AGAP1: variants seen among roughly 807,000 people sequenced by gnomAD.
AGAP1 encodes arf-GAP with GTPase, ANK repeat and PH domain-containing protein 1.
In AGAP1, 29 loss-of-function variants were observed where a neutral mutation model predicts 105.3. The ratio of observed to expected loss-of-function variants is 0.28; its 90% confidence interval spans 0.21 to 0.38. AGAP1 has a LOEUF of 0.38. Among genes scored for constraint, AGAP1 ranks in the 10% least tolerant of loss-of-function variants. AGAP1 has a pLI of 1.00. For synonymous variants in AGAP1, 509 were observed against 485.9 expected, an observed-to-expected ratio of 1.05 and a Z score of -0.63; for missense variants, 998 against 1,165.1, an observed-to-expected ratio of 0.86 and a Z score of 2.09.
chr2:235,545,099 T>C (rs1943580415), intron 1 of AGAP1, among the ~76,000 whole-genome samples: 1 of 152,204 alleles, frequency 6.6e-6, no homozygotes, highest in Non-Finnish European at 1.5e-5. Context: ...GTTTAGATCA[T>C]GGTCTGTTAG....
At chr2:236,034,568 C>T (rs987926916) in intron 13 of AGAP1, among the ~76,000 whole-genome samples, 3 of 152,130 alleles carry the variant, frequency 2.0e-5, no homozygotes, top group South Asian at 4.1e-4. Context: ...CTCCAGAAAT[C>T]GGGAACCAGG....
rs2048633860 is a variant in AGAP1 at position 235,855,141 on chromosome 2, T to A, written c.1051-28204T>A. On this transcript the variant is annotated intron_variant, in intron 9 of 17. Coordinates refer to ENST00000304032, the MANE Select transcript of AGAP1 (RefSeq NM_001037131.3). The surrounding 1 kb of genome is among the most constrained non-coding windows in gnomAD (Gnocchi z 5.0). ...AAAAAAAGCTGAAGGTATTTGTCTG[T>A]GATGTTCAACAAACCAGCCTCATCA... 6.6e-6 allele frequency among the ~76,000 whole-genome samples: 1 copy of A among 152,240 alleles called. No individual in the cohort carries two copies. Among genetic ancestry groups the A allele is most frequent in the African/African-American group, 2.4e-5 (1 of 41,466 alleles).
intron 1 of AGAP1, among the ~76,000 whole-genome samples, chr2:235,558,088 G>A (rs902556141): frequency 1.3e-5 from 2 of 152,208 alleles, no homozygotes; most frequent in African/African-American, 4.8e-5. Context: ...GGGATGGCGA[G>A]TAGGAGGCTG....
intron 1 of AGAP1, among the ~76,000 whole-genome samples, chr2:235,668,322 C>T (rs1320478960): frequency 2.6e-5 from 4 of 152,162 alleles, no homozygotes; most frequent in African/African-American, 4.8e-5. Flanking sequence ...AGAGCTTGCC[C>T]AATTCAGTTT....
In AGAP1 at chr2:235,799,512, A is replaced by G. The variant is rs1957394199; in HGVS notation, c.947A>G (p.Asn316Ser). ...CGCAAGCAGTCTAAGCGCCGGTCCA[A>G]CCTGTTCACCGTGAGTGTCAACCCT... ...PVRKQSKRRS[N>S]LFTSRKGSDP... The change falls in exon 8 of 18, where the codon AAC becomes AGC. Residue 316 changes from asparagine to serine, a missense_variant. This residue lies in a region of AGAP1 where 735 missense variants were observed against 833.4 expected (regional missense o/e 0.88). Coordinates refer to ENST00000304032, the MANE Select transcript of AGAP1 (RefSeq NM_001037131.3). This position sits in a 1 kb window ranked among gnomAD's most constrained non-coding sequence, Gnocchi z 5.0. 3 of 1,614,100 alleles carry G rather than the reference A, an allele frequency of 1.9e-6. No individual in the cohort carries two copies. Among genetic ancestry groups the G allele is most frequent in the Non-Finnish European group, 2.5e-6 (3 of 1,179,996 alleles).
In AGAP1 at chr2:235,573,042, CTT is replaced by C. The variant is rs1432511792; in HGVS notation, c.163+78194_163+78195del. On this transcript the variant is annotated intron_variant, in intron 1 of 17. Transcript: ENST00000304032. ...TCTTCTTCTTCTTCTTCTTCTTCTT[CTT>C]CTTCTTCTTCTTCTTCTTTCTTCTT... 6.4e-4 allele frequency among the ~76,000 whole-genome samples: 14 copies of C among 21,852 alleles called. 1 individual carries two copies. The South Asian group carries it at 0.02, about 31-fold the overall frequency. 14.3% of individuals were successfully genotyped at this position (21,852 alleles called of 152,430 possible).
rs144865581 is a variant in AGAP1, at chr2:235,849,350, A to T, written c.1051-33995A>T. Among the ~76,000 whole-genome samples, 478 of 152,334 alleles carry T rather than the reference A, an allele frequency of 3.1e-3. 5 individuals are homozygous for T. The highest frequency in any genetic ancestry group is 0.018 in the East Asian group (92 of 5,188). On this transcript the variant is annotated intron_variant, in intron 9 of 17. Coordinates refer to ENST00000304032, the MANE Select transcript of AGAP1 (RefSeq NM_001037131.3). ...GCCAATTATGAGTACACATATTACT[A>T]TAATTAACTGGTTTTTTTGTGAATG... is the stretch of plus-strand genomic sequence containing the variant.
intron 1 of AGAP1, among the ~76,000 whole-genome samples, chr2:235,594,885 T>G (rs1945470285): frequency 3.1e-5 from 3 of 95,480 alleles, no homozygotes; most frequent in South Asian, 2.9e-4. Context: ...AGATTGCTGT[T>G]TTTTTTTTTT....
At chr2:236,116,568 C>T (rs2059776315) in intron 16 of AGAP1, among the ~76,000 whole-genome samples, 2 of 151,976 alleles carry the variant, frequency 1.3e-5, no homozygotes, top group Non-Finnish European at 2.9e-5. Context: ...AGGCTGGTCT[C>T]AAACTCCTGA....
chr2:235,966,281 T>C (rs1446824943), intron 12 of AGAP1, among the ~76,000 whole-genome samples: 5 of 125,230 alleles, frequency 4.0e-5, no homozygotes, highest in African/African-American at 9.1e-5. Flanking sequence ...GAGGGGGGCC[T>C]GTTCCTCTGG....
chr2:235,603,482 T>G (rs1945808589), intron 1 of AGAP1, among the ~76,000 whole-genome samples: 1 of 152,210 alleles, frequency 6.6e-6, no homozygotes, highest in South Asian at 2.1e-4. Flanking sequence ...AATGGGTGCT[T>G]CGCAGTGCTC....
At chr2:235,813,953 C>T (rs556880651) in intron 9 of AGAP1, among the ~76,000 whole-genome samples, 63 of 152,278 alleles carry the variant, frequency 4.1e-4, no homozygotes, top group African/African-American at 1.5e-3. Context: ...CTCCTCCTAC[C>T]GCCCCCGGGT....
chr2:235,959,076 C>T lies in AGAP1; in HGVS notation c.1484-9386C>T, dbSNP rs73130473. ...GGGACCCCAGTCCCTCCGTCAGAGC[C>T]GGTTTAGATGTGGAGTAATGAGGCG... On this transcript the variant is annotated intron_variant, in intron 12 of 17. Transcript: ENST00000304032. This position sits in a 1 kb window ranked among gnomAD's most constrained non-coding sequence, Gnocchi z 7.3. Among the ~76,000 whole-genome samples, 1,371 of 152,274 alleles carry T rather than the reference C, an allele frequency of 9.0e-3. 22 individuals carry two copies. Among genetic ancestry groups the T allele is most frequent in the African/African-American group, 0.031 (1,300 of 41,568 alleles).
chr2:235,993,688 CT>C lies in AGAP1; in HGVS notation c.1645+25066del, dbSNP rs1280166321. ...GCTGCCCAATACCAAATTAAGGGCT[CT>C]GAGGAACGCTTCCTTTGAAAATACC... On this transcript the variant is annotated intron_variant, in intron 13 of 17. Coordinates refer to ENST00000304032, the MANE Select transcript of AGAP1 (RefSeq NM_001037131.3). The surrounding 1 kb of genome is among the most constrained non-coding windows in gnomAD (Gnocchi z 5.0). 6.6e-6 allele frequency among the ~76,000 whole-genome samples: 1 copy of C among 152,152 alleles called. No homozygotes were observed. Among genetic ancestry groups the C allele is most frequent in the African/African-American group, 2.4e-5 (1 of 41,422 alleles).
Position 236,083,760 on chromosome 2 carries a change from A to G in AGAP1, c.2114+34479A>G, listed in dbSNP as rs146392109. Among the ~76,000 whole-genome samples the G allele has an allele frequency of 1.6e-3, 246 of 152,326 alleles. 2 individuals carry two copies. Among genetic ancestry groups the G allele is most frequent in the African/African-American group, 5.7e-3 (239 of 41,570 alleles). ...AGTCTGTTTTTTTACAGAAGGATAAATGGATGAACAGGTGTTTTAGGAGCC... is the reference window on the plus strand; with the variant it reads ...AGTCTGTTTTTTTACAGAAGGATAAGTGGATGAACAGGTGTTTTAGGAGCC... On this transcript the variant is annotated intron_variant, in intron 16 of 17. Transcript: ENST00000304032. The surrounding 1 kb of genome is among the most constrained non-coding windows in gnomAD (Gnocchi z 5.3).
chr2:236,022,007 C>T (rs562606102), intron 13 of AGAP1, among the ~76,000 whole-genome samples: 8 of 143,014 alleles, frequency 5.6e-5, no homozygotes, highest in South Asian at 2.2e-4. Flanking sequence ...TGCAGTGAGC[C>T]GAGATGAAGC....
At chr2:235,985,101 C>G (rs2055258815) in intron 13 of AGAP1, among the ~76,000 whole-genome samples, 1 of 152,196 alleles carries the variant, frequency 6.6e-6, no homozygotes, top group African/African-American at 2.4e-5. Flanking sequence ...TCTCCGTAGC[C>G]TCACCAGCAT....
chr2:235,849,481 T>TCTC (rs3059034), intron 9 of AGAP1, among the ~76,000 whole-genome samples: 145,426 of 152,094 alleles, frequency 0.96, 69,574 homozygotes, highest in East Asian at 1. Context: ...GGCAGTGACC[T>TCTC]CTCCTGCAGT....
At position 235,754,937 on chromosome 2, in the gene AGAP1, C is replaced by T. The variant is rs1422342493; in HGVS notation, c.673+4449C>T. Among the ~76,000 whole-genome samples, 9 of 152,376 alleles carry T rather than the reference C, an allele frequency of 5.9e-5. No homozygotes were observed. The South Asian group carries it at 1.9e-3, about 32-fold the overall frequency. Reference sequence around the variant, plus strand: ...CCCAGGCTGCTTTCTGGGGGTGGAGCGTTCTCGCTCCTGCTCACAGGCGAG... The same window carrying T: ...CCCAGGCTGCTTTCTGGGGGTGGAGTGTTCTCGCTCCTGCTCACAGGCGAG... On this transcript the variant is annotated intron_variant, in intron 6 of 17. Transcript: ENST00000304032. The surrounding 1 kb of genome is among the most constrained non-coding windows in gnomAD (Gnocchi z 4.6).
Sources: allele counts gnomAD v4.1 joint callset (sites outside exome capture counted in the v4.1 genomes callset), GRCh38; gene constraint gnomAD v4.1.1; regional missense constraint gnomAD v4.1.1; non-coding constraint Gnocchi (gnomAD v3.1); transcripts MANE v1.5; gene names NCBI Gene and HGNC (gene_info 2026-07-23, HGNC 2026-07-21).